TINAG: variants seen among roughly 807,000 people sequenced by gnomAD.
TINAG encodes tubulointerstitial nephritis antigen.
A neutral mutation model predicts 72.7 loss-of-function variants in TINAG; 83 were observed. That is an observed-to-expected ratio of 1.14 (90% CI 0.96 to 1.37). The LOEUF is 1.37. Ranked by LOEUF, TINAG falls within the 40% of genes most tolerant of loss-of-function variation. The pLI is 0.00. For synonymous variants in TINAG, 234 were observed against 189.9 expected, an observed-to-expected ratio of 1.23 and a Z score of -1.91; for missense variants, 685 against 576.6, an observed-to-expected ratio of 1.19 and a Z score of -1.93.
At chr6:54,366,190 A>T (rs898571903) in intron 9 of TINAG, among the ~76,000 whole-genome samples, 1 of 151,414 alleles carries the variant, frequency 6.6e-6, no homozygotes, top group Non-Finnish European at 1.5e-5. Flanking sequence ...ACAACTCTTC[A>T]GGTTATCTGA....
rs185712670 is a variant in TINAG at position 54,384,999 on chromosome 6, T to G, written c.1296+4428T>G. ...GTACAGAATATACCATGATGAAACT[T>G]TTGTTATTTAGCTAAAGCACTACTG... On this transcript the variant is annotated intron_variant, in intron 10 of 10. Coordinates refer to ENST00000259782, the MANE Select transcript of TINAG (RefSeq NM_014464.4). Among the ~76,000 whole-genome samples, 310 of 152,238 alleles carry G rather than the reference T, an allele frequency of 2.0e-3. 2 individuals carry two copies. The highest frequency in any genetic ancestry group is 7.0e-3 in the African/African-American group (293 of 41,570).
chr6:54,389,764 C>G (rs1764194360), intron 10 of TINAG, 27 bp from the exon 11 acceptor site: 3 of 1,561,136 alleles, frequency 1.9e-6, no homozygotes, highest in Admixed American at 4.4e-5. Flanking sequence ...TGTTTCTCAA[C>G]TTTTTTGTTT....
intron 9 of TINAG, among the ~76,000 whole-genome samples, chr6:54,379,981 C>A (rs966103047): frequency 2.0e-5 from 3 of 152,016 alleles, no homozygotes; most frequent in Non-Finnish European, 4.4e-5. Context: ...TCCCTGTGCC[C>A]ATGTGTTCTC....
upstream of TINAG, chr6:54,308,210 C>T: frequency 2.3e-6 from 3 of 1,284,514 alleles, no homozygotes; most frequent in South Asian, 1.3e-5. Context: ...GATTTAAGAA[C>T]CTAGATTTTT....
chr6:54,363,659 G>A (rs1230690361), intron 9 of TINAG, among the ~76,000 whole-genome samples: 3 of 150,596 alleles, frequency 2.0e-5, no homozygotes, highest in Non-Finnish European at 4.4e-5. Flanking sequence ...TGATCTCACA[G>A]GAGAGAGAAA....
chr6:54,381,260 A>C (rs1315258201), intron 10 of TINAG, among the ~76,000 whole-genome samples: 6 of 151,338 alleles, frequency 4.0e-5, no homozygotes, highest in African/African-American at 1.5e-4. Flanking sequence ...AGAAAGTTTC[A>C]GGTAAGAAAC....
chr6:54,333,885 G>A (rs1784801630), intron 4 of TINAG, among the ~76,000 whole-genome samples: 1 of 151,620 alleles, frequency 6.6e-6, no homozygotes, highest in Non-Finnish European at 1.5e-5. Context: ...ATTAGTAAAG[G>A]TTGATCCTCA....
chr6:54,347,134 C>A (rs1436997184), intron 5 of TINAG, among the ~76,000 whole-genome samples: 1 of 151,922 alleles, frequency 6.6e-6, no homozygotes, highest in African/African-American at 2.4e-5. Flanking sequence ...CTAAAAAAAT[C>A]TTTGAAGTCA....
chr6:54,337,999 C>A (rs1176212096), intron 4 of TINAG, among the ~76,000 whole-genome samples: 1 of 152,192 alleles, frequency 6.6e-6, no homozygotes, highest in Non-Finnish European at 1.5e-5. Context: ...CAAAGAGTGT[C>A]AAACTTGTGT....
At chr6:54,385,131 G>A (rs561409103) in intron 10 of TINAG, among the ~76,000 whole-genome samples, 19 of 151,748 alleles carry the variant, frequency 1.3e-4, no homozygotes, top group East Asian at 7.7e-4. Context: ...AATTTAAACC[G>A]AAGATAAATG....
intron 3 of TINAG, among the ~76,000 whole-genome samples, chr6:54,326,088 T>A (rs972578371): frequency 6.6e-6 from 1 of 152,058 alleles, no homozygotes; most frequent in African/African-American, 2.4e-5. Flanking sequence ...TTTTATCCAC[T>A]ATCATCTAGT....
At chr6:54,327,844 C>A (rs1172007548) in intron 4 of TINAG, among the ~76,000 whole-genome samples, 1 of 152,096 alleles carries the variant, frequency 6.6e-6, no homozygotes, top group African/African-American at 2.4e-5. Flanking sequence ...ATAAACAAAG[C>A]CACCTGGAAG....
intron 9 of TINAG, among the ~76,000 whole-genome samples, chr6:54,363,143 A>G (rs1392744282): frequency 6.6e-6 from 1 of 151,590 alleles, no homozygotes; most frequent in African/African-American, 2.4e-5. Context: ...CACTGTGTGG[A>G]CACAAGGAAG....
chr6:54,330,776 C>T (rs1385815796), intron 4 of TINAG, among the ~76,000 whole-genome samples: 1 of 152,150 alleles, frequency 6.6e-6, no homozygotes, highest in African/African-American at 2.4e-5. Flanking sequence ...AAGGGGATAA[C>T]ATCACTGATA....
At chr6:54,368,554 C>T (rs1763507542) in intron 9 of TINAG, among the ~76,000 whole-genome samples, 1 of 150,926 alleles carries the variant, frequency 6.6e-6, no homozygotes, top group African/African-American at 2.4e-5. Flanking sequence ...CATTTTATTG[C>T]TTATTAAATT....
rs1224560280 is a variant in TINAG, at chr6:54,308,753, A to T, written c.203A>T (p.Asp68Val). ...TTTGGCTGTTGTGAAGACAGAGATG[A>T]TGGCTGTGTCACTGAGTTCTATGCG... ...RNFGCCEDRDDGCVTEFYAAN... is the reference protein window; with the variant it reads ...RNFGCCEDRDVGCVTEFYAAN... Residue 68 changes from aspartate to valine, a missense_variant, in exon 1 of 11, where the codon GAT becomes GTT. Physicochemically the swap from Asp to Val is radical, Grantham distance 152. Transcript: ENST00000259782. The T allele has an allele frequency of 2.5e-6, 4 of 1,613,792 alleles. No individual in the cohort carries two copies. The highest frequency in any genetic ancestry group is 3.4e-6 in the Non-Finnish European group (4 of 1,179,890).
At chr6:54,368,150 G>C (rs1763491488) in intron 9 of TINAG, among the ~76,000 whole-genome samples, 1 of 150,604 alleles carries the variant, frequency 6.6e-6, no homozygotes, top group South Asian at 2.1e-4. Context: ...TTTTATTTCT[G>C]ATGGTTTTGA....
chr6:54,319,119 A>G (rs986638064), intron 1 of TINAG, among the ~76,000 whole-genome samples: 1 of 152,050 alleles, frequency 6.6e-6, no homozygotes, highest in African/African-American at 2.4e-5. Context: ...CCATTTATCC[A>G]TGGAATTCAT....
At chr6:54,353,260 A>C (rs1785307586) in intron 8 of TINAG, among the ~76,000 whole-genome samples, 1 of 151,834 alleles carries the variant, frequency 6.6e-6, no homozygotes, top group Admixed American at 6.6e-5. Context: ...TAAGACCTCA[A>C]AGAGTCAATG....
Sources: allele counts gnomAD v4.1 joint callset (sites outside exome capture counted in the v4.1 genomes callset), GRCh38; gene constraint gnomAD v4.1.1; transcripts MANE v1.5; gene names NCBI Gene and HGNC (gene_info 2026-07-23, HGNC 2026-07-21).